The following RAP1GDS1 variants were observed in gnomAD, a reference collection of about 807,000 sequenced individuals.
RAP1GDS1 encodes the protein Rap1 GTPase-GDP dissociation stimulator 1, also known as RAP1, GTP-GDP dissociation stimulator 1.
Under a neutral mutation model 71.1 loss-of-function variants are expected in RAP1GDS1, and 35 were observed. The ratio of observed to expected loss-of-function variants is 0.49; its 90% CI spans 0.38 to 0.65. RAP1GDS1 has a LOEUF of 0.65. RAP1GDS1 is among the 30% of genes least tolerant of loss of function. RAP1GDS1 has a pLI of 0.00. For synonymous variants in RAP1GDS1, 229 were observed against 243.1 expected (o/e 0.94, Z 0.54); for missense variants, 663 against 706.1 (o/e 0.94, Z 0.69).
At chr4:98,409,745 C>T in intron 7 of RAP1GDS1, 1 of 475,676 alleles carries the variant, frequency 2.1e-6, no homozygotes, top group Admixed American at 2.1e-5. Context: ...AACCTCTTCC[C>T]TATGAATTCA....
At position 98,411,353 on chromosome 4, in the gene RAP1GDS1, C is replaced by T. The variant is rs147409265; in HGVS notation, c.764-5392C>T. 1.7e-4 allele frequency among the ~76,000 whole-genome samples: 26 copies of T among 152,238 alleles called. No homozygotes were observed. In the East Asian group the frequency reaches 4.0e-3, roughly 24 times the overall value. ...CATTTAGGCTGGGAGTGATGGCTTA[C>T]GCCTGTAATTCCAGCACTTTCAGAG... On this transcript the variant is annotated intron_variant, in intron 7 of 14. Coordinates refer to ENST00000408927, the MANE Select transcript of RAP1GDS1 (RefSeq NM_001100427.2).
At chr4:98,336,735 T>A (rs2110382134) in intron 2 of RAP1GDS1, among the ~76,000 whole-genome samples, 1 of 150,862 alleles carries the variant, frequency 6.6e-6, no homozygotes, top group African/African-American at 2.4e-5. Context: ...AGAATTGCCA[T>A]TTTTTTTTAT....
chr4:98,384,940 T>A (rs1049301293), intron 5 of RAP1GDS1, among the ~76,000 whole-genome samples: 11 of 151,724 alleles, frequency 7.3e-5, no homozygotes, highest in African/African-American at 1.9e-4. Flanking sequence ...GATGCCCACT[T>A]AGTTGAGGGC....
intron 2 of RAP1GDS1, among the ~76,000 whole-genome samples, chr4:98,320,218 T>G (rs545819993): frequency 4.0e-4 from 61 of 152,304 alleles, no homozygotes; most frequent in Admixed American, 3.9e-4. Flanking sequence ...TTTGCGGGTT[T>G]TCGACTTACT....
chr4:98,326,249 G>C (rs1733061233), intron 2 of RAP1GDS1, among the ~76,000 whole-genome samples: 1 of 151,936 alleles, frequency 6.6e-6, no homozygotes, highest in African/African-American at 2.4e-5. Context: ...CAATATCTTA[G>C]CCATCTTCCC....
intron 6 of RAP1GDS1, among the ~76,000 whole-genome samples, chr4:98,400,154 C>T (rs1360429883): frequency 6.7e-6 from 1 of 149,896 alleles, no homozygotes; most frequent in African/African-American, 2.5e-5. Flanking sequence ...AAGACTCCAT[C>T]TCAGTTTAAA....
At chr4:98,400,528 T>TAAAAAAA (rs774732053) in intron 6 of RAP1GDS1, among the ~76,000 whole-genome samples, 152 of 74,336 alleles carry the variant, frequency 2.0e-3, no homozygotes, top group African/African-American at 6.2e-3. Flanking sequence ...TTTATAGAAG[T>TAAAAAAA]AAAAAAAAAA....
At chr4:98,267,353 ATGTTTTT>A (rs1209121679) in intron 1 of RAP1GDS1, among the ~76,000 whole-genome samples, 1 of 152,080 alleles carries the variant, frequency 6.6e-6, no homozygotes, top group Non-Finnish European at 1.5e-5. Flanking sequence ...GTACATGTGC[ATGTTTTT>A]TACATGGGCA....
At chr4:98,294,471 T>C (rs946780457) in intron 2 of RAP1GDS1, among the ~76,000 whole-genome samples, 1 of 152,104 alleles carries the variant, frequency 6.6e-6, no homozygotes, top group African/African-American at 2.4e-5. Flanking sequence ...TCAGTAATTA[T>C]TTTAGATTAC....
At chr4:98,395,749 T>TGAGTA (rs1446613146) in intron 6 of RAP1GDS1, among the ~76,000 whole-genome samples, 2 of 152,170 alleles carry the variant, frequency 1.3e-5, no homozygotes, top group African/African-American at 4.8e-5. Context: ...GTGCGTCTTT[T>TGAGTA]GAGTATCTCA....
intron 6 of RAP1GDS1, among the ~76,000 whole-genome samples, chr4:98,401,484 T>A (rs1024812461): frequency 2.0e-5 from 3 of 152,168 alleles, no homozygotes; most frequent in African/African-American, 7.2e-5. Flanking sequence ...AAATATGTAG[T>A]TTAGATAATA....
intron 2 of RAP1GDS1, among the ~76,000 whole-genome samples, 168 bp from the exon 3 acceptor site, chr4:98,342,971 G>A (rs1478407833): frequency 6.6e-6 from 1 of 152,040 alleles, no homozygotes; most frequent in Non-Finnish European, 1.5e-5. Flanking sequence ...AATAAAAGCA[G>A]CTTGTGGAGC....
chr4:98,350,768 G>A (rs976830576), intron 3 of RAP1GDS1, among the ~76,000 whole-genome samples: 1 of 152,134 alleles, frequency 6.6e-6, no homozygotes, highest in Non-Finnish European at 1.5e-5. Context: ...AACCCAGGGG[G>A]CAGAGGTTGC....
chr4:98,424,364 A>G (rs895062185), intron 12 of RAP1GDS1, among the ~76,000 whole-genome samples: 2 of 152,206 alleles, frequency 1.3e-5, no homozygotes. Flanking sequence ...TGGGCCACAC[A>G]TAAAATGCAC....
intron 14 of RAP1GDS1, among the ~76,000 whole-genome samples, chr4:98,440,552 G>A (rs1440945120): frequency 1.3e-5 from 2 of 152,144 alleles, no homozygotes; most frequent in African/African-American, 2.4e-5. Context: ...TGAGTGTGAG[G>A]TGGCATCTTA....
At chr4:98,262,572 C>T (rs901460847) in intron 1 of RAP1GDS1, among the ~76,000 whole-genome samples, 9 of 152,128 alleles carry the variant, frequency 5.9e-5, no homozygotes, top group Non-Finnish European at 1.0e-4. Flanking sequence ...TTAATAGTAG[C>T]GACTTGTACT....
intron 1 of RAP1GDS1, 119 bp from the exon 2 acceptor site, chr4:98,293,289 G>A (rs767474305): frequency 1.1e-5 from 7 of 637,710 alleles, no homozygotes; most frequent in Non-Finnish European, 1.6e-5. Flanking sequence ...GAATGTACGT[G>A]GAGGTTAATT....
chr4:98,427,211 A>G (rs1013118526), intron 12 of RAP1GDS1, among the ~76,000 whole-genome samples: 4 of 152,152 alleles, frequency 2.6e-5, no homozygotes, highest in African/African-American at 7.2e-5. Context: ...TACCAGTGAC[A>G]TACCTCAATA....
In RAP1GDS1 at chr4:98,397,076, C is replaced by CT. The variant is rs368794058; in HGVS notation, c.637+4996_637+4997insT. ...GATTAAAGATGTTTTCATTTTTTCC[C>CT]AATAATGAAAAAAAGATTGTTTTCC... On this transcript the variant is annotated intron_variant, in intron 6 of 14. Coordinates refer to ENST00000408927, the MANE Select transcript of RAP1GDS1 (RefSeq NM_001100427.2). Among the ~76,000 whole-genome samples the CT allele has an allele frequency of 5.0e-3, 758 of 151,736 alleles. 7 individuals are homozygous for CT. Among genetic ancestry groups the CT allele is most frequent in the South Asian group, 0.018 (87 of 4,804 alleles).
Sources: allele counts gnomAD v4.1 joint callset (sites outside exome capture counted in the v4.1 genomes callset), GRCh38; gene constraint gnomAD v4.1.1; transcripts MANE v1.5; gene names NCBI Gene and HGNC (gene_info 2026-07-23, HGNC 2026-07-21).